Variants in PCDH15 observed in about 807,000 individuals in gnomAD.
The protein encoded by PCDH15 is protocadherin related 15.
PCDH15 carries 129 observed loss-of-function variants against 178.5 expected under a neutral mutation model. The ratio of observed to expected loss-of-function variants is 0.72; its 90% CI spans 0.63 to 0.84. The LOEUF (loss-of-function observed/expected upper bound fraction) is 0.84, where lower values mean the gene tolerates loss of function less well. Ranked by LOEUF, PCDH15 falls within the 40% of genes least tolerant of loss-of-function variation. The pLI is 0.00. For missense variants in PCDH15, 2,230 were observed against 2,099.9 expected (o/e 1.06, Z -1.21); for synonymous variants, 800 against 732.0 (o/e 1.09, Z -1.50).
intron 2 of PCDH15, among the ~76,000 whole-genome samples, chr10:54,934,790 T>C (rs1459673162): frequency 6.6e-6 from 1 of 151,770 alleles, no homozygotes; most frequent in Non-Finnish European, 1.5e-5. Flanking sequence ...GTATGTTTAT[T>C]GCGGCACTAT....
At chr10:54,623,405 A>T (rs572763379) in intron 2 of PCDH15, among the ~76,000 whole-genome samples, 23 of 151,952 alleles carry the variant, frequency 1.5e-4, no homozygotes, top group South Asian at 1.0e-3. Context: ...ACTTTTTTTT[A>T]AAATTTGACT....
chr10:55,605,549 T>C (rs1163051728), intron 2 of PCDH15, among the ~76,000 whole-genome samples: 1 of 150,690 alleles, frequency 6.6e-6, no homozygotes, highest in Non-Finnish European at 1.5e-5. Context: ...TTATCCACCA[T>C]GATCAAGTGG....
At chr10:54,632,925 G>A (rs2093740958) in intron 2 of PCDH15, among the ~76,000 whole-genome samples, 1 of 152,064 alleles carries the variant, frequency 6.6e-6, no homozygotes, top group African/African-American at 2.4e-5. Context: ...GGTCAACAAG[G>A]ATAGGTAAGA....
At chr10:54,222,461 A>C (rs1170777574) in intron 9 of PCDH15, among the ~76,000 whole-genome samples, 1 of 152,206 alleles carries the variant, frequency 6.6e-6, no homozygotes, top group African/African-American at 2.4e-5. Context: ...GGCTTCTTTC[A>C]ACTCAGTATA....
chr10:55,431,654 G>A (rs1187838434), intron 2 of PCDH15, among the ~76,000 whole-genome samples: 1 of 152,062 alleles, frequency 6.6e-6, no homozygotes, highest in African/African-American at 2.4e-5. Flanking sequence ...AAATTTTCTT[G>A]TTATTGCATT....
chr10:54,474,940 A>G (rs1182909806), intron 3 of PCDH15, among the ~76,000 whole-genome samples: 2 of 152,008 alleles, frequency 1.3e-5, no homozygotes, highest in African/African-American at 4.8e-5. Flanking sequence ...TCTACAGATT[A>G]TATAAATACG....
At chr10:54,710,174 T>C (rs1182123618) in intron 1 of PCDH15, among the ~76,000 whole-genome samples, 1 of 151,966 alleles carries the variant, frequency 6.6e-6, no homozygotes, top group Non-Finnish European at 1.5e-5. Context: ...CCTCTAATTG[T>C]ATTCATTCAG....
intron 2 of PCDH15, among the ~76,000 whole-genome samples, chr10:55,343,823 T>C (rs1844668822): frequency 6.6e-6 from 1 of 152,154 alleles, no homozygotes; most frequent in Non-Finnish European, 1.5e-5. Context: ...GCCAGGCATG[T>C]TCTATGCACA....
chr10:54,951,623 G>A (rs1018670640), intron 2 of PCDH15, among the ~76,000 whole-genome samples: 2 of 151,836 alleles, frequency 1.3e-5, no homozygotes, highest in African/African-American at 4.8e-5. Context: ...TTTTAGTTTT[G>A]TAAGAAACTG....
At chr10:53,823,728 A>ATCGAAGCTACCAGCTTCTTATCTTT in intron 32 of PCDH15, 1 of 462,990 alleles carries the variant, frequency 2.2e-6, no homozygotes, top group African/African-American at 2.0e-5. Flanking sequence ...GCAGAACACC[A>ATCGAAGCTACCAGCTTCTTATCTTT]TCCTTGCCTG....
intron 3 of PCDH15, among the ~76,000 whole-genome samples, chr10:54,820,212 C>T (rs78963379): frequency 6.6e-6 from 1 of 151,926 alleles, no homozygotes; most frequent in Non-Finnish European, 1.5e-5. Flanking sequence ...GTGTAACTAC[C>T]TTTGCTTTCA....
intron 14 of PCDH15, among the ~76,000 whole-genome samples, chr10:54,143,752 AAGTAG>A (rs1180367911): frequency 1.4e-4 from 21 of 152,180 alleles, no homozygotes; most frequent in Admixed American, 2.0e-4. Context: ...TAAGTATATT[AAGTAG>A]AGTATACTTT....
At chr10:55,364,535 T>A (rs1845306534) in intron 2 of PCDH15, among the ~76,000 whole-genome samples, 2 of 152,164 alleles carry the variant, frequency 1.3e-5, no homozygotes, top group Admixed American at 1.3e-4. Context: ...AGTTTTATTG[T>A]GATGCCATGG....
intron 18 of PCDH15, among the ~76,000 whole-genome samples, chr10:54,053,379 C>T (rs1183389695): frequency 6.6e-6 from 1 of 152,118 alleles, no homozygotes; most frequent in Non-Finnish European, 1.5e-5. Flanking sequence ...TATGCAAGGG[C>T]TAAGCCAAGC....
At chr10:54,790,590 G>A (rs982537706) in intron 1 of PCDH15, among the ~76,000 whole-genome samples, 3 of 151,692 alleles carry the variant, frequency 2.0e-5, no homozygotes, top group African/African-American at 7.3e-5. Flanking sequence ...CTCTGAGCGA[G>A]CTTGGAAGCC....
chr10:54,872,082 A>G (rs926518550), intron 3 of PCDH15, among the ~76,000 whole-genome samples: 1 of 152,134 alleles, frequency 6.6e-6, no homozygotes, highest in Admixed American at 6.6e-5. Context: ...AAGGTTTGAA[A>G]TAAAGTGTCT....
chr10:54,425,846 A>G (rs1956212131), intron 3 of PCDH15, among the ~76,000 whole-genome samples: 1 of 152,140 alleles, frequency 6.6e-6, no homozygotes, highest in Non-Finnish European at 1.5e-5. Flanking sequence ...CAAAATTTTG[A>G]TTTAGAAAAT....
chr10:54,807,348 C>G (rs895748785), intron 3 of PCDH15, among the ~76,000 whole-genome samples: 1 of 152,004 alleles, frequency 6.6e-6, no homozygotes, highest in Non-Finnish European at 1.5e-5. Context: ...ACTTTGATCA[C>G]TTAGTTGACA....
intron 1 of PCDH15, among the ~76,000 whole-genome samples, chr10:54,715,279 G>C (rs1241523890): frequency 6.6e-6 from 1 of 152,112 alleles, no homozygotes; most frequent in African/African-American, 2.4e-5. Flanking sequence ...ATTTCCTTAA[G>C]GGAAGGTGGA....
Sources: gnomAD v4.1 joint callset for allele counts (sites outside exome capture counted in the v4.1 genomes callset) on GRCh38, gnomAD v4.1.1 for gene constraint, MANE v1.5 for transcripts, NCBI Gene and HGNC (gene_info 2026-07-23, HGNC 2026-07-21) for gene names.